Variants in KCNMA1 observed in about 807,000 individuals in gnomAD.
KCNMA1 encodes Calcium-activated potassium channel subunit alpha-1.
Under a neutral mutation model 140.0 loss-of-function variants are expected in KCNMA1, and 29 were observed. The ratio of observed to expected loss-of-function variants is 0.21; its 90% CI spans 0.15 to 0.28. KCNMA1 has a LOEUF of 0.28. Ranked by LOEUF, KCNMA1 falls within the 10% of genes least tolerant of loss-of-function variation. The pLI, the probability that KCNMA1 is intolerant of heterozygous loss-of-function variation, is 1.00. For missense variants in KCNMA1, 880 were observed against 1,602.2 expected (o/e 0.55, Z 7.70); for synonymous variants, 612 against 611.9 (o/e 1.00, Z 0.00).
chr10:77,060,844 T>A (rs149860956), intron 14 of KCNMA1, among the ~76,000 whole-genome samples: 14 of 151,996 alleles, frequency 9.2e-5, no homozygotes, highest in African/African-American at 3.4e-4. Context: ...AATGTTGGAG[T>A]GATGCGATGA....
downstream of KCNMA1, chr10:76,877,572 A>G: frequency 1.7e-6 from 1 of 573,626 alleles, no homozygotes; most frequent in East Asian, 3.4e-5. Context: ...AAATACATGG[A>G]AGCAATATTC....
intron 3 of KCNMA1, among the ~76,000 whole-genome samples, chr10:77,216,525 A>G (rs1393329365): frequency 6.6e-6 from 1 of 152,206 alleles, no homozygotes; most frequent in Non-Finnish European, 1.5e-5. Flanking sequence ...CCACCAAGAA[A>G]GAAAATATTT....
intron 5 of KCNMA1, among the ~76,000 whole-genome samples, chr10:77,137,347 C>T (rs1193070790): frequency 2.6e-5 from 4 of 152,178 alleles, no homozygotes; most frequent in Admixed American, 1.3e-4. Flanking sequence ...AAACGTCTGT[C>T]GTTTCCAATC....
intron 2 of KCNMA1, among the ~76,000 whole-genome samples, chr10:77,285,796 T>C (rs184720354): frequency 6.6e-6 from 1 of 152,352 alleles, no homozygotes; most frequent in East Asian, 1.9e-4. Flanking sequence ...AGCCAGTTAC[T>C]ATCTCTAAGT....
chr10:77,008,600 T>C (rs1348801664), intron 18 of KCNMA1, among the ~76,000 whole-genome samples: 1 of 152,186 alleles, frequency 6.6e-6, no homozygotes, highest in Admixed American at 6.5e-5. Context: ...ACGTGAAATG[T>C]TGAAGGTTAC....
At chr10:77,118,902 G>T (rs1449850634) in intron 6 of KCNMA1, among the ~76,000 whole-genome samples, 1 of 152,190 alleles carries the variant, frequency 6.6e-6, no homozygotes, top group Admixed American at 6.5e-5. Flanking sequence ...TCAACCATCT[G>T]GTTATGACCA....
chr10:77,438,509 G>A (rs2097310617), intron 1 of KCNMA1, among the ~76,000 whole-genome samples: 2 of 151,240 alleles, frequency 1.3e-5, no homozygotes, highest in Admixed American at 1.3e-4. Flanking sequence ...GCTGCAGTGA[G>A]CCGAGATTGT....
chr10:77,299,856 T>A (rs1352220375), intron 2 of KCNMA1, among the ~76,000 whole-genome samples: 1 of 152,154 alleles, frequency 6.6e-6, no homozygotes, highest in African/African-American at 2.4e-5. Context: ...TACAAGGCTC[T>A]CCAATTCCTT....
chr10:77,127,420 T>G (rs1192348487), intron 5 of KCNMA1, among the ~76,000 whole-genome samples: 1 of 152,154 alleles, frequency 6.6e-6, no homozygotes, highest in East Asian at 1.9e-4. Context: ...GCCAGTCATT[T>G]CCAATTCAGA....
At chr10:76,877,205 G>A (rs930635654), downstream of KCNMA1, 2 of 153,058 alleles carry the variant, frequency 1.3e-5, no homozygotes, top group South Asian at 2.1e-4. Flanking sequence ...CCATCCAGGC[G>A]AGGAGCAGGT....
chr10:77,305,607 C>T (rs917472950), intron 2 of KCNMA1, among the ~76,000 whole-genome samples: 1 of 152,100 alleles, frequency 6.6e-6, no homozygotes, highest in Non-Finnish European at 1.5e-5. Flanking sequence ...AAAGGACAGG[C>T]CTGAAGACTA....
chr10:77,068,605 C>A (rs976246710), intron 14 of KCNMA1, among the ~76,000 whole-genome samples: 27 of 150,996 alleles, frequency 1.8e-4, no homozygotes, highest in African/African-American at 6.6e-4. Flanking sequence ...GAAAAAAAAA[C>A]AACACTAGAA....
chr10:77,036,693 C>T (rs1408790789), intron 15 of KCNMA1, among the ~76,000 whole-genome samples: 1 of 152,132 alleles, frequency 6.6e-6, no homozygotes, highest in Admixed American at 6.6e-5. Flanking sequence ...CCAATTCTTA[C>T]TGTAATGAAA....
intron 5 of KCNMA1, among the ~76,000 whole-genome samples, chr10:77,136,592 G>A (rs1258310215): frequency 6.9e-6 from 1 of 145,084 alleles, no homozygotes. Context: ...TGGAAATGCT[G>A]AAAAAAAAAA....
At chr10:77,439,591 T>A (rs1379666542) in intron 1 of KCNMA1, among the ~76,000 whole-genome samples, 1 of 152,110 alleles carries the variant, frequency 6.6e-6, no homozygotes, top group Non-Finnish European at 1.5e-5. Flanking sequence ...CACCCCAAAA[T>A]ATCTCCCTAA....
At chr10:77,015,678 CA>C (rs1191136851) in intron 17 of KCNMA1, among the ~76,000 whole-genome samples, 1 of 152,082 alleles carries the variant, frequency 6.6e-6, no homozygotes, top group Non-Finnish European at 1.5e-5. Flanking sequence ...TCCTACTACC[CA>C]AAACTTGCTC....
At chr10:77,193,653 C>T (rs2039411016) in intron 3 of KCNMA1, among the ~76,000 whole-genome samples, 1 of 152,160 alleles carries the variant, frequency 6.6e-6, no homozygotes, top group Non-Finnish European at 1.5e-5. Context: ...GGTGGGCACC[C>T]ACACAACGTG....
intron 25 of KCNMA1, among the ~76,000 whole-genome samples, chr10:76,895,605 G>A (rs780489300): frequency 6.6e-5 from 10 of 152,146 alleles, no homozygotes; most frequent in African/African-American, 1.9e-4. Context: ...TTATTTGGCC[G>A]TAAAAAAGAG....
Position 76,886,627 on chromosome 10 carries a change from G to A in KCNMA1, c.*639C>T. The A allele has an allele frequency of 1.0e-6, 1 of 991,050 alleles. No individual in the cohort carries two copies. Among genetic ancestry groups the A allele is most frequent in the South Asian group, 4.6e-5 (1 of 21,786 alleles). The allele number at this position is 991,050 out of a possible 1,614,324, so 61.4% of individuals were successfully genotyped here. ...GAGGGAACTGGCTCTGGGACAAAAGGCCTTGGTGAGTAACTAAAAAAATCA... is the reference window on the plus strand; with the variant it reads ...GAGGGAACTGGCTCTGGGACAAAAGACCTTGGTGAGTAACTAAAAAAATCA... On this transcript the variant is annotated 3_prime_UTR_variant, in exon 28 of 28. Coordinates refer to ENST00000286628, the MANE Select transcript of KCNMA1 (RefSeq NM_001161352.2).
Sources: allele counts gnomAD v4.1 joint callset (sites outside exome capture counted in the v4.1 genomes callset), GRCh38; gene constraint gnomAD v4.1.1; transcripts MANE v1.5; gene names NCBI Gene and HGNC (gene_info 2026-07-23, HGNC 2026-07-21).